Variants in PKD2 observed in about 807,000 individuals in gnomAD.
PKD2 encodes the protein polycystin-2.
Under a neutral mutation model 105.9 loss-of-function variants are expected in PKD2, and 48 were observed. The ratio of observed to expected loss-of-function variants is 0.45; its 90% CI spans 0.36 to 0.58. The LOEUF is 0.58. Ranked by LOEUF, PKD2 falls within the 20% of genes least tolerant of loss-of-function variation. The pLI, the probability that PKD2 is intolerant of heterozygous loss-of-function variation, is 0.00. For missense variants in PKD2, 1,078 were observed against 1,255.3 expected (o/e 0.86, Z 2.13); for synonymous variants, 464 against 481.1 (o/e 0.96, Z 0.46).
chr4:88,045,949 A>G (rs901214133), intron 5 of PKD2, among the ~76,000 whole-genome samples: 2 of 152,114 alleles, frequency 1.3e-5, no homozygotes, highest in African/African-American at 4.8e-5. Flanking sequence ...GATGGTTTAT[A>G]TTTCTTTATA....
chr4:88,076,782 T>G lies in PKD2; in HGVS notation c.*1088T>G, dbSNP rs566790276. 2.0e-4 allele frequency: 30 copies of G among 152,262 alleles called. No homozygotes were observed. Among genetic ancestry groups the G allele is most frequent in the African/African-American group, 7.2e-4 (30 of 41,542 alleles). 9.4% of individuals were successfully genotyped at this position (152,262 alleles called of 1,614,324 possible). ...AGGCGAATCACTTGAGCCCAGGAGT[T>G]CAAGACCAACATGGGCAATGTGGCG... is the stretch of plus-strand genomic sequence containing the variant. On this transcript the variant is annotated 3_prime_UTR_variant, in exon 15 of 15. Coordinates refer to ENST00000237596, the MANE Select transcript of PKD2 (RefSeq NM_000297.4).
Position 88,007,730 on chromosome 4 carries a change from C to G in PKD2, c.-4C>G. 8.3e-7 allele frequency: 1 copy of G among 1,200,884 alleles called. No individual in the cohort carries two copies. Among genetic ancestry groups the G allele is most frequent in the Non-Finnish European group, 1.0e-6 (1 of 956,758 alleles). 74.4% of individuals were successfully genotyped at this position (1,200,884 alleles called of 1,614,324 possible). On this transcript the variant is annotated 5_prime_UTR_variant, in exon 1 of 15. Transcript: ENST00000237596. ...CACCCGCGCGCCGGACGCCAGTGACCGCGATGGTGAACTCCAGTCGCGTGC... is the reference window on the plus strand; with the variant it reads ...CACCCGCGCGCCGGACGCCAGTGACGGCGATGGTGAACTCCAGTCGCGTGC...
At chr4:88,071,441 C>A (rs1296056942) in intron 13 of PKD2, among the ~76,000 whole-genome samples, 1 of 149,368 alleles carries the variant, frequency 6.7e-6, no homozygotes, top group Non-Finnish European at 1.5e-5. Flanking sequence ...ACCTTCAGGT[C>A]TTTGTCTGCT....
In PKD2 at chr4:88,067,813, C is replaced by A. The variant is rs1455600498; in HGVS notation, c.2359-85C>A. The stretch of plus-strand genomic sequence containing the variant: ...AAATCCCAGGTAAATGGCATGCACC[C>A]AGTTCCTGCTTGCCCAAGTCCTTGG... On this transcript the variant is annotated intron_variant, in intron 12 of 14. Transcript: ENST00000237596. 6 of 1,120,788 alleles carry A rather than the reference C, an allele frequency of 5.4e-6. No individual in the cohort carries two copies. In the Admixed American group the frequency reaches 5.4e-5, roughly 10 times the overall value. The allele number at this position is 1,120,788 out of a possible 1,614,324, so 69.4% of individuals were successfully genotyped here.
chr4:88,055,949 C>T (rs1720312015), intron 7 of PKD2, 137 bp from the exon 8 acceptor site: 1 of 697,594 alleles, frequency 1.4e-6, no homozygotes, highest in South Asian at 1.6e-5. Flanking sequence ...TTTCACTTTG[C>T]ATGATGTTTT....
chr4:88,061,756 TTAAA>T (rs1349657270), intron 9 of PKD2, 146 bp from the exon 10 acceptor site: 3 of 299,610 alleles, frequency 1.0e-5, no homozygotes, highest in Admixed American at 5.1e-5. Context: ...AAATTTTTTT[TTAAA>T]TAAATAAATA....
intron 9 of PKD2, 34 bp from the exon 10 acceptor site, chr4:88,061,872 C>T: frequency 1.0e-6 from 1 of 977,626 alleles, no homozygotes; most frequent in Non-Finnish European, 1.7e-6. Flanking sequence ...ATGTTTCTTC[C>T]TTTAATTTTT....
At chr4:88,013,186 A>G (rs1480668117) in intron 1 of PKD2, among the ~76,000 whole-genome samples, 2 of 151,774 alleles carry the variant, frequency 1.3e-5, no homozygotes, top group East Asian at 3.9e-4. Flanking sequence ...TACTCTGGGG[A>G]TTTTTTTGAG....
At position 88,074,502 on chromosome 4, in the gene PKD2, A is replaced by G. The variant is rs563626014; in HGVS notation, c.2523-310A>G. Among the ~76,000 whole-genome samples the G allele has an allele frequency of 2.0e-3, 308 of 152,318 alleles. 1 individual carries two copies. The highest frequency in any genetic ancestry group is 7.1e-3 in the African/African-American group (294 of 41,566). On this transcript the variant is annotated intron_variant, in intron 13 of 14. Coordinates refer to ENST00000237596, the MANE Select transcript of PKD2 (RefSeq NM_000297.4). ...CGCGATTAAGAAGCAGCACTCTTTT[A>G]TAGCCAAAAATTACACATATATAAA...
chr4:88,065,143 G>T (rs1451381471), intron 10 of PKD2, among the ~76,000 whole-genome samples: 1 of 152,100 alleles, frequency 6.6e-6, no homozygotes, highest in Non-Finnish European at 1.5e-5. Flanking sequence ...ATGAGTAAAA[G>T]ACCTTTAGTT....
intron 10 of PKD2, among the ~76,000 whole-genome samples, chr4:88,062,783 A>G (rs1483971281): frequency 1.3e-5 from 2 of 152,016 alleles, no homozygotes; most frequent in Non-Finnish European, 2.9e-5. Flanking sequence ...GATATATGTT[A>G]TAATAGAAAA....
chr4:88,074,667 C>G, intron 13 of PKD2, 145 bp from the exon 14 acceptor site: 1 of 861,472 alleles, frequency 1.2e-6, no homozygotes, highest in Non-Finnish European at 1.9e-6. Flanking sequence ...GAGAGTTAAT[C>G]TGTAAAGCTT....
At chr4:88,065,350 T>A (rs199720728) in intron 10 of PKD2, 24 bp from the exon 11 acceptor site, 1 of 1,607,466 alleles carries the variant, frequency 6.2e-7, no homozygotes, top group Non-Finnish European at 8.5e-7. Flanking sequence ...AAACCAAGTC[T>A]TTTATTTTTT....
chr4:88,036,471 G>A lies in PKD2; in HGVS notation c.843+118G>A, dbSNP rs544319659. 732 of 1,532,366 alleles carry A rather than the reference G, an allele frequency of 4.8e-4. 13 individuals are homozygous for A. The South Asian group carries it at 6.7e-3, about 14-fold the overall frequency. 94.9% of individuals were successfully genotyped at this position (1,532,366 alleles called of 1,614,324 possible). ...CTTTGCATTTAACACTGTGTGAGAC[G>A]TAAGTTATGGTGAGTTGTTAGAAGT... On this transcript the variant is annotated intron_variant, in intron 3 of 14. Coordinates refer to ENST00000237596, the MANE Select transcript of PKD2 (RefSeq NM_000297.4).
chr4:88,014,793 C>T (rs1196785381), intron 1 of PKD2, among the ~76,000 whole-genome samples: 1 of 152,180 alleles, frequency 6.6e-6, no homozygotes, highest in Admixed American at 6.5e-5. Flanking sequence ...CCAACTGGGC[C>T]TCCTAAGGCC....
At chr4:88,008,410 T>C in intron 1 of PKD2, 82 bp downstream of exon 1, 1 of 1,436,394 alleles carries the variant, frequency 7.0e-7, no homozygotes. Context: ...CTGCGGCAGC[T>C]CCCCGGGCTC....
At chr4:88,062,309 T>C (rs1271835668) in intron 10 of PKD2, among the ~76,000 whole-genome samples, 3 of 152,204 alleles carry the variant, frequency 2.0e-5, no homozygotes, top group Non-Finnish European at 2.9e-5. Context: ...TGTAGCTGGC[T>C]CTCACTTCAG....
At chr4:88,064,396 G>C (rs180994824) in intron 10 of PKD2, among the ~76,000 whole-genome samples, 8 of 152,226 alleles carry the variant, frequency 5.3e-5, no homozygotes, top group Admixed American at 1.3e-4. Flanking sequence ...ATCAATATTA[G>C]TTTTCTTCTT....
Position 88,074,862 on chromosome 4 carries a change from C to A in PKD2, c.2573C>A (p.Ser858Tyr). 1.2e-6 allele frequency: 2 copies of A among 1,614,086 alleles called. No individual in the cohort carries two copies. The highest frequency in any genetic ancestry group is 1.7e-6 in the Non-Finnish European group (2 of 1,179,986). The change falls in exon 14 of 15, where the codon TCC becomes TAC. Residue 858 changes from serine to tyrosine, a missense_variant. Ser to Tyr is a moderately radical substitution (Grantham distance 144). Coordinates refer to ENST00000237596, the MANE Select transcript of PKD2 (RefSeq NM_000297.4). ...GAGCATTCCATCGGCAGCATAGTGT[C>A]CAAGATTGACGCCGTGATCGTGAAG... The part of the protein sequence containing the change: ...RMEHSIGSIV[S>Y]KIDAVIVKLE...
Sources: allele counts gnomAD v4.1 joint callset (sites outside exome capture counted in the v4.1 genomes callset), GRCh38; gene constraint gnomAD v4.1.1; transcripts MANE v1.5; gene names NCBI Gene and HGNC (gene_info 2026-07-23, HGNC 2026-07-21).